The following RIF1 variants were observed in gnomAD, a reference collection of about 807,000 sequenced individuals.
RIF1 encodes the protein telomere-associated protein RIF1.
RIF1 carries 45 observed loss-of-function variants against 247.1 expected under a neutral mutation model. The ratio of observed to expected loss-of-function variants is 0.18; its 90% CI spans 0.14 to 0.23. The LOEUF (loss-of-function observed/expected upper bound fraction) is 0.23, where lower values mean the gene tolerates loss of function less well. RIF1 is among the 10% of genes least tolerant of loss of function. The pLI is 1.00. For synonymous variants in RIF1, 1,087 were observed against 978.8 expected (o/e 1.11, Z -2.06); for missense variants, 2,967 against 2,862.5 (o/e 1.04, Z -0.83).
chr2:151,514,778 T>C, the RIF1 span: 1 of 1,350,062 alleles, frequency 7.4e-7, no homozygotes, highest in Non-Finnish European at 1.0e-6. Context: ...AGTGCAATTA[T>C]TTGGATTAAG....
rs1047791162 is a variant in RIF1 at position 151,468,657 on chromosome 2, A to G, written c.6842A>G (p.Lys2281Arg). 6.2e-7 allele frequency: 1 copy of G among 1,613,842 alleles called. No homozygotes were observed. The highest frequency in any genetic ancestry group is 8.5e-7 in the Non-Finnish European group (1 of 1,179,804). The change falls in exon 33 of 36, where the codon AAA becomes AGA. Residue 2281 changes from lysine (K) to arginine (R), a missense_variant. Around this residue, in one of 7 missense-constraint regions of RIF1, gnomAD observed 2,028 missense variants for 1,825.6 expected, o/e 1.11. Coordinates refer to ENST00000444746, the MANE Select transcript of RIF1 (RefSeq NM_018151.5). ...SKKCLISEMA[K>R]ESIPCPTESV... Reference sequence around the variant, plus strand: ...TATTCTAAGATTTCAGAAATGGCCAAAGAATCCATACCATGCCCAACAGAA... The same window carrying G: ...TATTCTAAGATTTCAGAAATGGCCAGAGAATCCATACCATGCCCAACAGAA...
chr2:151,506,607 A>G (rs2069120898), intron 13 of RIF1, among the ~76,000 whole-genome samples: 1 of 152,348 alleles, frequency 6.6e-6, no homozygotes, highest in Non-Finnish European at 1.5e-5. Flanking sequence ...GGGGAGGGAT[A>G]ACAAAAGAAA....
chr2:151,497,126 C>T (rs188042437), intron 10 of RIF1: 15 of 1,428,808 alleles, frequency 1.0e-5, no homozygotes, highest in South Asian at 1.3e-5. Context: ...CTTGTTAAGA[C>T]AAAACACAGT....
intron 8 of RIF1, among the ~76,000 whole-genome samples, chr2:151,424,515 G>A (rs2152228828): frequency 6.6e-6 from 1 of 152,282 alleles, no homozygotes; most frequent in Admixed American, 6.5e-5. Context: ...AGACATTTAG[G>A]TTGTTTCTAC....
rs1464359123 is a variant in RIF1, at chr2:151,493,858, T to C, written c.*416-1371T>C. Reference sequence around the variant, plus strand: ...GGGGTTGCTTTCCCCAGGTTCTCTTTGTATAACACCTGTGAGATACAAAGT... The same window carrying C: ...GGGGTTGCTTTCCCCAGGTTCTCTTCGTATAACACCTGTGAGATACAAAGT... On this transcript the variant is annotated intron_variant and NMD_transcript_variant, in intron 9 of 13. Transcript: ENST00000454583. The C allele has an allele frequency of 6.4e-6, 10 of 1,560,988 alleles. No individual in the cohort carries two copies. The highest frequency in any genetic ancestry group is 2.3e-5 in the East Asian group (1 of 43,638).
chr2:151,529,333 T>A, the RIF1 span: 1 of 1,503,214 alleles, frequency 6.7e-7, no homozygotes, highest in East Asian at 2.3e-5. Context: ...GGAAACACAG[T>A]GACAAGATTA....
rs2152488210 is a variant in RIF1, at chr2:151,461,226, A to G, written c.3164A>G (p.Glu1055Gly). The change falls in exon 27 of 36, where the codon GAA (glutamate) becomes GGA (glycine). Residue 1055 changes from glutamate to glycine, a missense_variant. Around this residue, in one of 7 missense-constraint regions of RIF1, gnomAD observed 2,028 missense variants for 1,825.6 expected, o/e 1.11. Coordinates refer to ENST00000444746, the MANE Select transcript of RIF1 (RefSeq NM_018151.5). ...ACTGACTTTGTGTTTATACCTCCAGAAGGAAAAGATGCAAAGGAAAGAATA... is the reference window on the plus strand; with the variant it reads ...ACTGACTTTGTGTTTATACCTCCAGGAGGAAAAGATGCAAAGGAAAGAATA... ...KSTDFVFIPP[E>G]GKDAKERILT... The G allele has an allele frequency of 1.9e-6, 3 of 1,613,672 alleles. No individual in the cohort carries two copies. The highest frequency in any genetic ancestry group is 2.5e-6 in the Non-Finnish European group (3 of 1,179,784).
At chr2:151,519,516 G>A in the RIF1 span, 6 of 670,772 alleles carry the variant, frequency 8.9e-6, no homozygotes, top group African/African-American at 1.8e-5. Context: ...TATAGTTTCT[G>A]TTGGTATGAA....
Position 151,410,522 on chromosome 2 carries a change from G to C in RIF1, c.99G>C (p.Leu33=). Residue 33 remains leucine (L), a synonymous_variant, in exon 2 of 36, where the codon CTG becomes CTC. Transcript: ENST00000444746. ...HGGQTDAYLT[L]TSRMTGEEGK... is the part of the protein sequence containing the mutation. ...GGCAGACTGACGCTTACCTGACTCT[G>C]ACCAGGTGAGGTCCGCCACGGGGCG... The C allele has an allele frequency of 6.2e-6, 10 of 1,612,650 alleles. No homozygotes were observed. Among genetic ancestry groups the C allele is most frequent in the Non-Finnish European group, 8.5e-6 (10 of 1,178,862 alleles).
chr2:151,467,811 A>G (rs1697190383), intron 30 of RIF1, among the ~76,000 whole-genome samples, 189 bp from the exon 31 acceptor site: 1 of 152,162 alleles, frequency 6.6e-6, no homozygotes, highest in Non-Finnish European at 1.5e-5. Context: ...ATAGAAAATT[A>G]GAGTGAATTG....
In RIF1 at chr2:151,481,540, C is replaced by G. The variant is rs146637145; in HGVS notation, c.*6469C>G. 7 of 152,346 alleles carry G rather than the reference C, an allele frequency of 4.6e-5. No homozygotes were observed. The highest frequency in any genetic ancestry group is 1.2e-4 in the African/African-American group (5 of 41,578). 9.4% of individuals were successfully genotyped at this position (152,346 alleles called of 1,614,324 possible). On this transcript the variant is annotated 3_prime_UTR_variant, in exon 36 of 36. Transcript: ENST00000444746. ...GCCAAATCAGTCATTTATTAACCCT[C>G]TAATATTGTTGTCCCGATCATTTGG...
chr2:151,488,790 T>G (rs2053492393), intron 9 of RIF1, among the ~76,000 whole-genome samples: 1 of 152,260 alleles, frequency 6.6e-6, no homozygotes, highest in Non-Finnish European at 1.5e-5. Context: ...ACTGGTTACC[T>G]CAGATCATAT....
At chr2:151,470,451 C>T (rs1697614432) in intron 34 of RIF1, among the ~76,000 whole-genome samples, 1 of 152,066 alleles carries the variant, frequency 6.6e-6, no homozygotes, top group Admixed American at 6.6e-5. Context: ...AGATTTATTT[C>T]GATTTTGAGA....
At chr2:151,529,397 G>C in the RIF1 span, 1 of 891,180 alleles carries the variant, frequency 1.1e-6, no homozygotes, top group Non-Finnish European at 1.9e-6. Flanking sequence ...TTAAATCCAT[G>C]CATGACTATA....
intron 9 of RIF1, among the ~76,000 whole-genome samples, chr2:151,430,310 T>C (rs1469279299): frequency 6.6e-6 from 1 of 151,756 alleles, no homozygotes; most frequent in Non-Finnish European, 1.5e-5. Flanking sequence ...TGTGAGGTAC[T>C]GCGCCCGGCC....
chr2:151,468,489 G>T lies in RIF1; in HGVS notation c.6763G>T (p.Ala2255Ser). The change falls in exon 32 of 36, where the codon GCC becomes TCC. Residue 2255 changes from alanine to serine, a missense_variant. Ala to Ser is a moderately conservative substitution (Grantham distance 99). Transcript: ENST00000444746. ...TTCTATCTAGCATAATACCACTTCA[G>T]CCAAAGGATTTCTGTCCCCAGGATC... ...TTQSKHNTTS[A>S]KGFLSPGSRS... 10 of 1,613,096 alleles carry T rather than the reference G, an allele frequency of 6.2e-6. No individual in the cohort carries two copies. The highest frequency in any genetic ancestry group is 8.5e-6 in the Non-Finnish European group (10 of 1,179,154).
At chr2:151,473,685 T>C (rs992634394) in intron 34 of RIF1, among the ~76,000 whole-genome samples, 3 of 152,186 alleles carry the variant, frequency 2.0e-5, no homozygotes, top group Non-Finnish European at 4.4e-5. Flanking sequence ...GGAAATAGAA[T>C]GTAATTTTCT....
the RIF1 span, chr2:151,526,988 C>T: frequency 5.6e-6 from 9 of 1,603,196 alleles, no homozygotes; most frequent in Admixed American, 1.5e-4. Flanking sequence ...AAGCTTGCAA[C>T]CCTTGAGGAA....
Position 151,462,225 on chromosome 2 carries a change from T to C in RIF1, c.3228-17T>C, listed in dbSNP as rs774999085. 210 of 1,498,006 alleles carry C rather than the reference T, an allele frequency of 1.4e-4. No individual in the cohort carries two copies. The highest frequency in any genetic ancestry group is 1.8e-4 in the Non-Finnish European group (198 of 1,094,052). The allele number at this position is 1,498,006 out of a possible 1,614,324, so 92.8% of individuals were successfully genotyped here. ...ATCATCCGGTTTTTGAAGTTACTTA[T>C]ATATAGTTTTTTTCAGGTGTGATAT... On this transcript the variant is annotated splice_polypyrimidine_tract_variant and intron_variant, in intron 27 of 35. Transcript: ENST00000444746.
Sources: allele counts gnomAD v4.1 joint callset (sites outside exome capture counted in the v4.1 genomes callset), GRCh38; gene constraint gnomAD v4.1.1; regional missense constraint gnomAD v4.1.1; transcripts MANE v1.5; gene names NCBI Gene and HGNC (gene_info 2026-07-23, HGNC 2026-07-21).